PRKN: variants seen among roughly 807,000 people sequenced by gnomAD.
PRKN encodes the protein E3 ubiquitin-protein ligase parkin.
PRKN carries 56 observed loss-of-function variants against 59.5 expected under a neutral mutation model. That is an observed-to-expected ratio of 0.94 (90% CI 0.76 to 1.18). PRKN has a LOEUF of 1.18. Ranked by LOEUF, PRKN falls within the 50% of genes most tolerant of loss-of-function variation. PRKN has a pLI of 0.00. For synonymous variants in PRKN, 250 were observed against 222.1 expected (o/e 1.13, Z -1.12); for missense variants, 657 against 596.4 (o/e 1.10, Z -1.06).
intron 2 of PRKN, among the ~76,000 whole-genome samples, chr6:162,308,274 C>T (rs1445679893): frequency 6.6e-6 from 1 of 152,182 alleles, no homozygotes; most frequent in Middle Eastern, 3.4e-3. Flanking sequence ...TCATGCATCT[C>T]TGCTAAGAAA....
chr6:162,568,483 T>C, intron 1 of PRKN: 1 of 663,150 alleles, frequency 1.5e-6, no homozygotes, highest in Admixed American at 2.1e-5. Flanking sequence ...GCCGGCGGCA[T>C]GGGAGGCATC....
Position 162,556,513 on chromosome 6 carries a change from C to G in PRKN, c.8-113040G>C, listed in dbSNP as rs900941309. 2.0e-5 allele frequency among the ~76,000 whole-genome samples: 3 copies of G among 151,612 alleles called. No individual in the cohort carries two copies. In the East Asian group the frequency reaches 5.8e-4, roughly 29 times the overall value. On this transcript the variant is annotated intron_variant, in intron 1 of 11. Coordinates refer to ENST00000366898, the MANE Select transcript of PRKN (RefSeq NM_004562.3). The stretch of plus-strand genomic sequence containing the variant: ...CCTGTAATCCCAGCACTTTGGGAGG[C>G]CGAGGCGGGGGGATCACGAAATCAG...
At chr6:161,648,102 A>G (rs191052833) in intron 7 of PRKN, among the ~76,000 whole-genome samples, 8 of 152,320 alleles carry the variant, frequency 5.3e-5, no homozygotes, top group African/African-American at 1.4e-4. Context: ...GGGATTATTC[A>G]GGTGGAGACA....
chr6:162,620,571 G>A (rs900995909), intron 1 of PRKN, among the ~76,000 whole-genome samples: 2 of 152,092 alleles, frequency 1.3e-5, no homozygotes, highest in African/African-American at 4.8e-5. Context: ...AAAGTTTCAG[G>A]CCTTCATGTA....
chr6:161,798,572 T>C (rs1369039609), intron 6 of PRKN, among the ~76,000 whole-genome samples: 1 of 152,174 alleles, frequency 6.6e-6, no homozygotes, highest in African/African-American at 2.4e-5. Context: ...CCTATTCATA[T>C]TTTGGATTTC....
intron 9 of PRKN, among the ~76,000 whole-genome samples, chr6:161,394,869 C>T (rs1459908020): frequency 6.6e-6 from 1 of 152,198 alleles, no homozygotes; most frequent in Non-Finnish European, 1.5e-5. Context: ...AAGACATTTA[C>T]ATTTACTTCC....
intron 1 of PRKN, among the ~76,000 whole-genome samples, chr6:162,551,084 T>G (rs1402273627): frequency 6.6e-6 from 1 of 152,178 alleles, no homozygotes; most frequent in African/African-American, 2.4e-5. Context: ...GATCTGATGC[T>G]TGTAATAGGC....
intron 7 of PRKN, among the ~76,000 whole-genome samples, chr6:161,608,135 G>A (rs1261403782): frequency 6.6e-6 from 1 of 152,120 alleles, no homozygotes; most frequent in Admixed American, 6.5e-5. Context: ...GACAGCCTCA[G>A]GAGGAGTGGG....
intron 7 of PRKN, among the ~76,000 whole-genome samples, chr6:161,619,851 T>A (rs1028515873): frequency 2.6e-5 from 4 of 152,150 alleles, no homozygotes; most frequent in Admixed American, 2.0e-4. Context: ...TTTACATCGA[T>A]TACATGTTAA....
Position 161,582,986 on chromosome 6 carries a change from ACACACAC to A in PRKN, c.872-13577_872-13571del, listed in dbSNP as rs1781397038. Among the ~76,000 whole-genome samples the A allele has an allele frequency of 7.6e-6, 1 of 132,332 alleles. No individual in the cohort carries two copies. Among genetic ancestry groups the A allele is most frequent in the Non-Finnish European group, 1.7e-5 (1 of 60,490 alleles). The allele number at this position is 132,332 out of a possible 152,430, so 86.8% of individuals were successfully genotyped here. Reference sequence around the variant, plus strand: ...GGCCTATTCCAACACACACACACACACACACACACACACACACACACACACACACACA... The same window carrying A: ...GGCCTATTCCAACACACACACACACAACACACACACACACACACACACACA... On this transcript the variant is annotated intron_variant, in intron 7 of 11. Transcript: ENST00000366898. This position sits in a 1 kb window ranked among gnomAD's most constrained non-coding sequence, Gnocchi z 4.4.
At chr6:162,659,397 A>AT (rs777045954) in intron 1 of PRKN, among the ~76,000 whole-genome samples, 9 of 152,122 alleles carry the variant, frequency 5.9e-5, no homozygotes, top group Non-Finnish European at 1.0e-4. Flanking sequence ...CAGTATACAG[A>AT]TTAAGAAAGT....
intron 2 of PRKN, among the ~76,000 whole-genome samples, chr6:162,279,492 AAAG>A (rs1780790588): frequency 1.3e-5 from 2 of 150,070 alleles, no homozygotes; most frequent in Non-Finnish European, 1.5e-5. Flanking sequence ...AAAGAAAAGA[AAAG>A]AATCCTCTGT....
Position 161,977,542 on chromosome 6 carries a change from G to GTTTTT in PRKN, c.619-4130_619-4126dup, listed in dbSNP as rs1554256833. On this transcript the variant is annotated intron_variant, in intron 5 of 11. Transcript: ENST00000366898. ...ATCTTCTCTACTTTCTGTTTTTTTG[G>GTTTTT]TTTTTTTTTTTTTTTTTTTTTTTAA... is the stretch of plus-strand genomic sequence containing the variant. Among the ~76,000 whole-genome samples the GTTTTT allele has an allele frequency of 5.8e-4, 61 of 104,518 alleles. 5 individuals are homozygous for GTTTTT. The highest frequency in any genetic ancestry group is 5.9e-3 in the Middle Eastern group (1 of 170). The allele number at this position is 104,518 out of a possible 152,430, so 68.6% of individuals were successfully genotyped here.
intron 2 of PRKN, among the ~76,000 whole-genome samples, chr6:162,352,870 C>A (rs985213555): frequency 1.3e-5 from 2 of 152,034 alleles, no homozygotes; most frequent in Non-Finnish European, 2.9e-5. Flanking sequence ...TTACATGGCA[C>A]CTATAATGGC....
At chr6:162,426,656 A>G (rs1238772024) in intron 2 of PRKN, among the ~76,000 whole-genome samples, 1 of 152,186 alleles carries the variant, frequency 6.6e-6, no homozygotes, top group Non-Finnish European at 1.5e-5. Context: ...CATGTTGCCC[A>G]GGCTGGTGTT....
At chr6:162,131,016 T>G (rs1188544760) in intron 4 of PRKN, among the ~76,000 whole-genome samples, 1 of 152,184 alleles carries the variant, frequency 6.6e-6, no homozygotes, top group Admixed American at 6.6e-5. Flanking sequence ...AAAATACTTT[T>G]CTTAAAATTT....
intron 7 of PRKN, among the ~76,000 whole-genome samples, chr6:161,646,440 C>T (rs1191629331): frequency 4.3e-5 from 5 of 116,336 alleles, no homozygotes; most frequent in Non-Finnish European, 9.5e-5. Flanking sequence ...CGTGTGCGTG[C>T]GTGGTGGAGG....
chr6:162,390,396 T>TATATATATATATATACAC (rs1180636201), intron 2 of PRKN, among the ~76,000 whole-genome samples: 120 of 84,090 alleles, frequency 1.4e-3, no homozygotes, highest in Non-Finnish European at 1.9e-3. Context: ...TATATATATA[T>TATATATATATATATACAC]ACACACACAC....
Position 161,525,526 on chromosome 6 carries a change from T to C in PRKN, c.1083+23328A>G, listed in dbSNP as rs1427802237. On this transcript the variant is annotated intron_variant, in intron 9 of 11. Coordinates refer to ENST00000366898, the MANE Select transcript of PRKN (RefSeq NM_004562.3). This position sits in a 1 kb window ranked among gnomAD's most constrained non-coding sequence, Gnocchi z 4.7. ...TGTGGTGCTGCATGAATTTAAGGGA[T>C]GTTTTTATTATAAGATCAGAGAAGG... 6.6e-6 allele frequency among the ~76,000 whole-genome samples: 1 copy of C among 152,144 alleles called. No individual in the cohort carries two copies. The highest frequency in any genetic ancestry group is 2.4e-5 in the African/African-American group (1 of 41,420).
Sources: gnomAD v4.1 joint callset for allele counts (sites outside exome capture counted in the v4.1 genomes callset) on GRCh38, gnomAD v4.1.1 for gene constraint, Gnocchi (gnomAD v3.1) non-coding constraint, MANE v1.5 for transcripts, NCBI Gene and HGNC (gene_info 2026-07-23, HGNC 2026-07-21) for gene names.